The following NRG1 variants were observed in gnomAD, a reference collection of about 807,000 sequenced individuals.
NRG1 encodes pro-neuregulin-1, membrane-bound isoform.
In NRG1, 18 loss-of-function variants were observed where a neutral mutation model predicts 63.8. The ratio of observed to expected loss-of-function variants is 0.28; its 90% CI spans 0.19 to 0.42. The LOEUF (loss-of-function observed/expected upper bound fraction) is 0.42, where lower values mean the gene tolerates loss of function less well. NRG1 is among the 10% of genes least tolerant of loss of function. The pLI is 1.00. For missense variants in NRG1, 762 were observed against 814.7 expected, an observed-to-expected ratio of 0.94 and a Z score of 0.79; for synonymous variants, 302 against 301.3, an observed-to-expected ratio of 1.00 and a Z score of -0.02.
intron 1 of NRG1, among the ~76,000 whole-genome samples, chr8:32,016,232 T>G (rs1288659682): frequency 1.5e-4 from 23 of 152,116 alleles, no homozygotes; most frequent in Admixed American, 1.5e-3. Context: ...CTTTTGTTTA[T>G]TTTTATTTTT....
Position 31,639,964 on chromosome 8 carries a change from A to G in NRG1, c.37+533A>G. On this transcript the variant is annotated intron_variant, in intron 1 of 10. Transcript: ENST00000519301. The stretch of plus-strand genomic sequence containing the variant: ...GGCAGAGTCCGAACCGACAGCCAGA[A>G]GCCCGCACGCACCTCGCACCATGAG... 3 of 1,124,230 alleles carry G rather than the reference A, an allele frequency of 2.7e-6. No individual in the cohort carries two copies. In the East Asian group the frequency reaches 1.4e-4, roughly 54 times the overall value. 69.6% of individuals were successfully genotyped at this position (1,124,230 alleles called of 1,614,324 possible).
rs550826670 is a variant in NRG1, at chr8:31,838,943, G to T, written c.37+199512G>T. Among the ~76,000 whole-genome samples, 11 of 152,228 alleles carry T rather than the reference G, an allele frequency of 7.2e-5. No homozygotes were observed. In the South Asian group the frequency reaches 1.7e-3, roughly 23 times the overall value. ...CTCCAGAACTAGTTAAACTAGAGTA[G>T]AAATTTTTGGCATTTTTTTGGTTCC... On this transcript the variant is annotated intron_variant, in intron 1 of 10. Coordinates refer to the NRG1 transcript ENST00000519301.
intron 1 of NRG1, among the ~76,000 whole-genome samples, chr8:31,897,965 C>T (rs1043369097): frequency 3.4e-5 from 5 of 146,086 alleles, no homozygotes; most frequent in African/African-American, 1.0e-4. Flanking sequence ...TGCAATGAGC[C>T]GAGATCGCAC....
At chr8:31,783,829 A>G (rs980161732) in intron 1 of NRG1, among the ~76,000 whole-genome samples, 7 of 152,216 alleles carry the variant, frequency 4.6e-5, no homozygotes, top group Admixed American at 1.3e-4. Context: ...GTATGGTATC[A>G]CGATCCTCAT....
At chr8:32,461,699 A>G (rs1195801637) in intron 1 of NRG1, among the ~76,000 whole-genome samples, 1 of 152,186 alleles carries the variant, frequency 6.6e-6, no homozygotes, top group Non-Finnish European at 1.5e-5. Flanking sequence ...TCTCCAAAAA[A>G]AAGAAAAGAA....
At chr8:32,424,503 A>G (rs3847131) in intron 1 of NRG1, among the ~76,000 whole-genome samples, 101,860 of 152,028 alleles carry the variant, frequency 0.67, 34,524 homozygotes, top group East Asian at 0.97. Context: ...CCATTTTGAT[A>G]CAAAGTTCAT....
At chr8:32,283,270 A>G (rs1201069955) in intron 1 of NRG1, among the ~76,000 whole-genome samples, 2 of 152,072 alleles carry the variant, frequency 1.3e-5, no homozygotes, top group African/African-American at 2.4e-5. Flanking sequence ...TCATTTGCTC[A>G]GCTTTTCTGA....
At chr8:32,651,050 A>C (rs1855010349) in intron 5 of NRG1, among the ~76,000 whole-genome samples, 1 of 152,280 alleles carries the variant, frequency 6.6e-6, no homozygotes, top group Non-Finnish European at 1.5e-5. Context: ...CTAATGTTAG[A>C]GTTTTATTTT....
intron 1 of NRG1, among the ~76,000 whole-genome samples, chr8:31,693,788 C>G (rs1024891410): frequency 6.6e-6 from 1 of 152,068 alleles, no homozygotes; most frequent in African/African-American, 2.4e-5. Context: ...TTATGACTGT[C>G]CTGTCATAAA....
At chr8:32,295,526 C>T (rs1854736713) in intron 1 of NRG1, among the ~76,000 whole-genome samples, 1 of 152,154 alleles carries the variant, frequency 6.6e-6, no homozygotes, top group South Asian at 2.1e-4. Flanking sequence ...AATAGGATTA[C>T]ACTTTCTGGT....
At chr8:32,306,961 G>A (rs1053457422) in intron 1 of NRG1, among the ~76,000 whole-genome samples, 2 of 152,016 alleles carry the variant, frequency 1.3e-5, no homozygotes, top group African/African-American at 4.8e-5. Context: ...TTTTAATAAT[G>A]GGCAGCTTTT....
intron 1 of NRG1, among the ~76,000 whole-genome samples, chr8:32,140,228 T>G (rs901160067): frequency 2.0e-5 from 3 of 152,184 alleles, no homozygotes; most frequent in African/African-American, 4.8e-5. Context: ...ATCTCTTTAA[T>G]GTCTGCAATG....
At chr8:32,760,260 A>C in exon 11 of NRG1, 1 of 1,614,086 alleles carries the variant, frequency 6.2e-7, no homozygotes, top group Non-Finnish European at 8.5e-7. Context: ...TCGTGATGTC[A>C]TCCGTAGAAA....
At chr8:32,456,103 C>A (rs914159816) in intron 1 of NRG1, among the ~76,000 whole-genome samples, 2 of 152,164 alleles carry the variant, frequency 1.3e-5, no homozygotes, top group African/African-American at 4.8e-5. Context: ...TGGCTGTCAG[C>A]CCTTAGAGGA....
chr8:32,310,819 G>T (rs898316844), intron 1 of NRG1, among the ~76,000 whole-genome samples: 2 of 152,126 alleles, frequency 1.3e-5, no homozygotes, highest in African/African-American at 4.8e-5. Context: ...ATCTTCTTGA[G>T]CACTTCACTT....
At chr8:31,721,812 C>A (rs1292234849) in intron 1 of NRG1, among the ~76,000 whole-genome samples, 4 of 152,022 alleles carry the variant, frequency 2.6e-5, no homozygotes, top group Admixed American at 1.3e-4. Context: ...CTCAGTTGTC[C>A]AGGTTATCGC....
chr8:31,857,838 A>G (rs1038779470), intron 1 of NRG1, among the ~76,000 whole-genome samples: 3 of 152,218 alleles, frequency 2.0e-5, no homozygotes, highest in African/African-American at 7.2e-5. Context: ...GGCAACTCAC[A>G]ACATCAACAA....
chr8:32,243,132 C>T (rs1848274020), intron 1 of NRG1, among the ~76,000 whole-genome samples: 1 of 152,154 alleles, frequency 6.6e-6, no homozygotes, highest in African/African-American at 2.4e-5. Context: ...TTTAAAAGGA[C>T]ATTAGTCATT....
chr8:31,777,566 C>A (rs1163734151), intron 1 of NRG1, among the ~76,000 whole-genome samples: 2 of 152,174 alleles, frequency 1.3e-5, no homozygotes, highest in Admixed American at 6.5e-5. Flanking sequence ...GTTCTTAGTT[C>A]ATTTGTGTTA....
Sources: allele counts gnomAD v4.1 joint callset (sites outside exome capture counted in the v4.1 genomes callset), GRCh38; gene constraint gnomAD v4.1.1; transcripts MANE v1.5; gene names NCBI Gene and HGNC (gene_info 2026-07-23, HGNC 2026-07-21).